Variants in SLC44A5 observed in about 807,000 individuals in gnomAD.
The protein encoded by SLC44A5 is choline transporter-like protein 5.
SLC44A5 carries 57 observed loss-of-function variants against 101.8 expected under a neutral mutation model. The ratio of observed to expected loss-of-function variants is 0.56; its 90% CI spans 0.45 to 0.70. The LOEUF (loss-of-function observed/expected upper bound fraction) is 0.70. SLC44A5 is among the 30% of genes least tolerant of loss of function. SLC44A5 has a pLI of 0.00. For synonymous variants in SLC44A5, 281 were observed against 290.9 expected (o/e 0.97, Z 0.35); for missense variants, 737 against 853.1 (o/e 0.86, Z 1.70).
chr1:75,636,376 T>C, the SLC44A5 span, among the ~76,000 whole-genome samples: 1 of 152,044 alleles, frequency 6.6e-6, no homozygotes, highest in Non-Finnish European at 1.5e-5. Flanking sequence ...TTTCCCAAAG[T>C]AATATTTATA....
At chr1:75,357,609 A>G (rs1659175696) in intron 3 of SLC44A5, among the ~76,000 whole-genome samples, 1 of 152,144 alleles carries the variant, frequency 6.6e-6, no homozygotes, top group African/African-American at 2.4e-5. Context: ...TGAAACCAAG[A>G]AAAGCCTCAT....
rs56698666 is a variant in SLC44A5, at chr1:75,283,015, G to T, written c.176-7973C>A. ...ATAATGATTTCTTTTTCTCTGGGTAGATACCCAGTAGAGGGACTGCTGGAT... is the reference window on the plus strand; with the variant it reads ...ATAATGATTTCTTTTTCTCTGGGTATATACCCAGTAGAGGGACTGCTGGAT... On this transcript the variant is annotated intron_variant, in intron 5 of 23. Transcript: ENST00000370859. 2.8e-3 allele frequency among the ~76,000 whole-genome samples: 424 copies of T among 152,254 alleles called. 19 individuals are homozygous for T. The East Asian group carries it at 0.077, about 28-fold the overall frequency.
chr1:75,372,807 T>C (rs1660316599), intron 3 of SLC44A5, among the ~76,000 whole-genome samples: 1 of 152,198 alleles, frequency 6.6e-6, no homozygotes, highest in African/African-American at 2.4e-5. Context: ...CACAGAAATA[T>C]TTAATGAAAT....
chr1:75,692,722 G>A, the SLC44A5 span, among the ~76,000 whole-genome samples: 6 of 152,080 alleles, frequency 3.9e-5, no homozygotes, highest in Non-Finnish European at 8.8e-5. Context: ...AACGAGAGAA[G>A]GGAGAGAAAA....
At chr1:75,613,336 G>C (rs1675738065), upstream of SLC44A5, among the ~76,000 whole-genome samples, 1 of 152,190 alleles carries the variant, frequency 6.6e-6, no homozygotes, top group Non-Finnish European at 1.5e-5. Flanking sequence ...GTTGGTTGTA[G>C]CTTAGAAGCA....
At chr1:75,599,497 A>C (rs759937083) in intron 1 of SLC44A5, among the ~76,000 whole-genome samples, 4 of 152,152 alleles carry the variant, frequency 2.6e-5, no homozygotes, top group Non-Finnish European at 5.9e-5. Context: ...ACCCACATGA[A>C]GATTGAGAAA....
At chr1:75,404,214 T>C (rs2101460358) in intron 2 of SLC44A5, among the ~76,000 whole-genome samples, 1 of 152,182 alleles carries the variant, frequency 6.6e-6, no homozygotes, top group East Asian at 1.9e-4. Flanking sequence ...AAGACCAACC[T>C]ACGTTTGATT....
intron 5 of SLC44A5, among the ~76,000 whole-genome samples, chr1:75,297,058 G>A (rs1394129636): frequency 1.3e-5 from 2 of 152,186 alleles, no homozygotes; most frequent in East Asian, 1.9e-4. Flanking sequence ...CATAGCTTGA[G>A]TTTCTTACAG....
At chr1:75,606,049 C>T (rs903414266) in intron 1 of SLC44A5, among the ~76,000 whole-genome samples, 3 of 152,000 alleles carry the variant, frequency 2.0e-5, no homozygotes, top group Admixed American at 6.6e-5. Flanking sequence ...TCTCCAGACA[C>T]TGTAAAATTG....
At chr1:75,281,649 C>A (rs1011864234) in intron 5 of SLC44A5, among the ~76,000 whole-genome samples, 14 of 101,266 alleles carry the variant, frequency 1.4e-4, no homozygotes, top group African/African-American at 3.6e-4. Flanking sequence ...CCCCCCCCCC[C>A]CCGCTGCATT....
At chr1:75,248,165 T>A (rs1030809608) in intron 7 of SLC44A5, among the ~76,000 whole-genome samples, 2 of 151,992 alleles carry the variant, frequency 1.3e-5, no homozygotes, top group South Asian at 4.1e-4. Context: ...TAAAAAAGGA[T>A]AGAAAGGATA....
In SLC44A5 at chr1:75,527,160, GAAAAGA is replaced by G. The variant is rs1222218669; in HGVS notation, c.13+14269_13+14274del. ...AAAAAAAAAGAAAAAAAAAAGAAAA[GAAAAGA>G]AAAAGAAAAGGAAAGAAAAAAAGAG... is the stretch of plus-strand genomic sequence containing the variant. On this transcript the variant is annotated intron_variant, in intron 2 of 23. Coordinates refer to ENST00000370859, the MANE Select transcript of SLC44A5 (RefSeq NM_001130058.2). Among the ~76,000 whole-genome samples the G allele has an allele frequency of 7.8e-4, 113 of 145,632 alleles. 1 individual carries two copies. Among genetic ancestry groups the G allele is most frequent in the African/African-American group, 2.7e-3 (105 of 39,314 alleles).
At position 75,489,572 on chromosome 1, in the gene SLC44A5, T is replaced by C. The variant is rs531355336; in HGVS notation, c.13+51863A>G. Among the ~76,000 whole-genome samples the C allele has an allele frequency of 6.6e-5, 10 of 152,352 alleles. No homozygotes were observed. In the East Asian group the frequency reaches 1.7e-3, roughly 26 times the overall value. The stretch of plus-strand genomic sequence containing the variant: ...AGAAGCAGCACTAAACAGTTATCTA[T>C]GTTTTAGCAGGTAGAAGCTTTAGAT... On this transcript the variant is annotated intron_variant, in intron 2 of 23. Transcript: ENST00000370859.
intron 2 of SLC44A5, among the ~76,000 whole-genome samples, chr1:75,421,851 A>C (rs547758902): frequency 6.6e-6 from 1 of 152,210 alleles, no homozygotes; most frequent in East Asian, 1.9e-4. Context: ...AGAAATCTTT[A>C]GAAGAAATCT....
the SLC44A5 span, among the ~76,000 whole-genome samples, chr1:75,696,500 T>A: frequency 6.6e-6 from 1 of 152,078 alleles, no homozygotes; most frequent in Non-Finnish European, 1.5e-5. Flanking sequence ...TAACTAAAAT[T>A]GAGAAAAGGT....
chr1:75,310,309 C>T (rs2100910423), intron 4 of SLC44A5, among the ~76,000 whole-genome samples: 1 of 152,308 alleles, frequency 6.6e-6, no homozygotes, highest in South Asian at 2.1e-4. Context: ...CCTTCCACCC[C>T]TCTCATTCTT....
the SLC44A5 span, among the ~76,000 whole-genome samples, chr1:75,647,770 T>G: frequency 6.6e-6 from 1 of 152,148 alleles, no homozygotes; most frequent in Non-Finnish European, 1.5e-5. Context: ...TTTGGCCAAT[T>G]TCTCCCTTTT....
intron 4 of SLC44A5, among the ~76,000 whole-genome samples, chr1:75,322,785 C>T (rs1656265762): frequency 6.6e-6 from 1 of 152,042 alleles, no homozygotes; most frequent in Non-Finnish European, 1.5e-5. Context: ...TGGAGAAATA[C>T]AGGAGAAAGA....
upstream of SLC44A5, among the ~76,000 whole-genome samples, chr1:75,613,251 C>T (rs914941653): frequency 6.6e-6 from 1 of 152,166 alleles, no homozygotes; most frequent in African/African-American, 2.4e-5. Flanking sequence ...GTGTTTTATC[C>T]AGCAAAGTTC....
Sources: allele counts gnomAD v4.1 joint callset (sites outside exome capture counted in the v4.1 genomes callset), GRCh38; gene constraint gnomAD v4.1.1; transcripts MANE v1.5; gene names NCBI Gene and HGNC (gene_info 2026-07-23, HGNC 2026-07-21).